Variants in CA10 observed in about 807,000 individuals in gnomAD.
CA10 encodes the protein carbonic anhydrase-related protein 10.
Under a neutral mutation model 44.2 loss-of-function variants are expected in CA10, and 14 were observed. The ratio of observed to expected loss-of-function variants is 0.32; its 90% CI spans 0.21 to 0.50. CA10 has a LOEUF of 0.50. Among genes scored for constraint, CA10 ranks in the 20% least tolerant of loss-of-function variants. CA10 has a pLI of 0.99. For missense variants in CA10, 350 were observed against 409.7 expected (o/e 0.85, Z 1.26); for synonymous variants, 159 against 141.6 (o/e 1.12, Z -0.87).
intron 3 of CA10, among the ~76,000 whole-genome samples, chr17:51,877,793 T>A (rs1264136774): frequency 6.6e-6 from 1 of 152,136 alleles, no homozygotes. Flanking sequence ...TTTTTCACAT[T>A]TTTTGTCTAT....
chr17:52,074,170 C>T (rs1987757853), intron 1 of CA10, among the ~76,000 whole-genome samples: 1 of 152,088 alleles, frequency 6.6e-6, no homozygotes, highest in African/African-American at 2.4e-5. Context: ...TCTTATGAAA[C>T]AACTACTTTG....
chr17:51,999,392 G>A (rs1409022205), intron 2 of CA10, among the ~76,000 whole-genome samples: 2 of 152,058 alleles, frequency 1.3e-5, no homozygotes, highest in African/African-American at 2.4e-5. Context: ...TTCTTTTGCT[G>A]CAGTTCCGAG....
At chr17:51,840,395 G>A (rs1365213006) in intron 3 of CA10, among the ~76,000 whole-genome samples, 2 of 151,888 alleles carry the variant, frequency 1.3e-5, no homozygotes, top group Admixed American at 6.6e-5. Flanking sequence ...CAGTACTTCT[G>A]ATTGCATTAT....
intron 3 of CA10, among the ~76,000 whole-genome samples, chr17:51,836,372 T>C (rs1449756077): frequency 6.6e-6 from 1 of 152,242 alleles, no homozygotes; most frequent in Admixed American, 6.5e-5. Flanking sequence ...AGGTGCTCTA[T>C]GTAAAAGCAC....
intron 2 of CA10, among the ~76,000 whole-genome samples, chr17:52,030,009 T>C (rs1376463447): frequency 3.9e-5 from 6 of 152,222 alleles, no homozygotes; most frequent in Non-Finnish European, 8.8e-5. Context: ...GTAGAGCACA[T>C]ACTGCTTTGC....
intron 2 of CA10, among the ~76,000 whole-genome samples, chr17:51,939,337 C>G (rs1455415388): frequency 6.6e-6 from 1 of 152,102 alleles, no homozygotes; most frequent in East Asian, 1.9e-4. Context: ...TTCCATCTTA[C>G]TTTACCATGA....
chr17:51,904,009 T>C (rs1194194591), intron 3 of CA10, among the ~76,000 whole-genome samples: 3 of 151,708 alleles, frequency 2.0e-5, no homozygotes, highest in African/African-American at 2.4e-5. Context: ...TGTGCATGTA[T>C]GTGGGACTAG....
chr17:51,892,842 G>C (rs547330427), intron 3 of CA10, among the ~76,000 whole-genome samples: 1 of 152,156 alleles, frequency 6.6e-6, no homozygotes, highest in Non-Finnish European at 1.5e-5. Flanking sequence ...AAAAGACCAC[G>C]TGAGTACTAG....
At chr17:52,089,046 C>T (rs376045611) in intron 1 of CA10, among the ~76,000 whole-genome samples, 11 of 152,206 alleles carry the variant, frequency 7.2e-5, no homozygotes, top group African/African-American at 2.7e-4. Flanking sequence ...TACAATTCTA[C>T]TTCCTTTGGA....
chr17:52,088,002 T>G (rs985187447), intron 1 of CA10, among the ~76,000 whole-genome samples: 5 of 152,126 alleles, frequency 3.3e-5, no homozygotes, highest in African/African-American at 1.2e-4. Flanking sequence ...TACCACATGT[T>G]TTCACAAGTG....
chr17:52,152,196 A>G (rs1322920902), intron 1 of CA10, among the ~76,000 whole-genome samples: 1 of 152,142 alleles, frequency 6.6e-6, no homozygotes, highest in Non-Finnish European at 1.5e-5. Flanking sequence ...TAGACATGCA[A>G]CAGAAATTTA....
chr17:51,826,374 G>A (rs981723745), intron 3 of CA10, among the ~76,000 whole-genome samples: 13 of 152,292 alleles, frequency 8.5e-5, no homozygotes, highest in African/African-American at 2.2e-4. Context: ...CAGCTCCAAC[G>A]TGAGGAAAGC....
At chr17:51,815,782 AGTGT>A (rs149094529) in intron 3 of CA10, among the ~76,000 whole-genome samples, 5 of 150,388 alleles carry the variant, frequency 3.3e-5, no homozygotes, top group Non-Finnish European at 5.9e-5. Context: ...GCAGGTACAC[AGTGT>A]GTGTGTGTGT....
At chr17:51,812,275 G>A (rs547723239) in intron 3 of CA10, among the ~76,000 whole-genome samples, 4 of 152,244 alleles carry the variant, frequency 2.6e-5, no homozygotes, top group South Asian at 2.1e-4. Flanking sequence ...ACGGTAATAC[G>A]TTTACTAATT....
chr17:52,093,405 A>T (rs1191117058), intron 1 of CA10, among the ~76,000 whole-genome samples: 1 of 152,148 alleles, frequency 6.6e-6, no homozygotes, highest in Non-Finnish European at 1.5e-5. Flanking sequence ...CTTTGTACAA[A>T]TGCTATTTAC....
chr17:52,134,708 C>T (rs1182432340), intron 1 of CA10, among the ~76,000 whole-genome samples: 1 of 152,194 alleles, frequency 6.6e-6, no homozygotes, highest in African/African-American at 2.4e-5. Flanking sequence ...CCTCCTACAA[C>T]TGCACATCTG....
intron 2 of CA10, among the ~76,000 whole-genome samples, chr17:51,974,968 A>G (rs569129170): frequency 4.6e-5 from 7 of 152,356 alleles, no homozygotes; most frequent in Admixed American, 3.3e-4. Context: ...GATGGAACAC[A>G]TATCTAGTTG....
chr17:52,146,607 G>A (rs1026921889), intron 1 of CA10, among the ~76,000 whole-genome samples: 1 of 151,850 alleles, frequency 6.6e-6, no homozygotes. Flanking sequence ...GGAGAATGGC[G>A]TGAACCCAGG....
rs556065725 is a variant in CA10, at chr17:51,978,212, C to T, written c.137-47080G>A. Among the ~76,000 whole-genome samples, 180 of 151,880 alleles carry T rather than the reference C, an allele frequency of 1.2e-3. 4 individuals carry two copies. The South Asian group carries it at 0.022, about 18-fold the overall frequency. On this transcript the variant is annotated intron_variant, in intron 2 of 8. Transcript: ENST00000451037. Reference sequence around the variant, plus strand: ...TAATAATTCAAATAATCTAAAATGGCCAGAACAATCTAAAGAACAAAGTTG... The same window carrying T: ...TAATAATTCAAATAATCTAAAATGGTCAGAACAATCTAAAGAACAAAGTTG...
Sources: allele counts gnomAD v4.1 joint callset (sites outside exome capture counted in the v4.1 genomes callset), GRCh38; gene constraint gnomAD v4.1.1; transcripts MANE v1.5; gene names NCBI Gene and HGNC (gene_info 2026-07-23, HGNC 2026-07-21).